COMMD2: variants seen among roughly 807,000 people sequenced by gnomAD.
COMMD2 encodes the protein COMM domain-containing protein 2.
A neutral mutation model predicts 22.5 loss-of-function variants in COMMD2; 25 were observed. That is an observed-to-expected ratio of 1.11 (90% CI 0.81 to 1.55). The LOEUF is 1.55. COMMD2 is among the 40% of genes most tolerant of loss of function. COMMD2 has a pLI of 0.00. For synonymous variants in COMMD2, 98 were observed against 91.2 expected (o/e 1.07, Z -0.42); for missense variants, 223 against 232.9 (o/e 0.96, Z 0.28).
At chr3:149,751,996 T>A (rs994027406) in intron 2 of COMMD2, 1 of 519,264 alleles carries the variant, frequency 1.9e-6, no homozygotes, top group African/African-American at 1.9e-5. Flanking sequence ...CATTTTACCA[T>A]GAGAAAACTG....
In COMMD2 at chr3:149,741,636, G is replaced by A. The variant is rs752087488; in HGVS notation, c.485C>T (p.Thr162Ile). 7 of 1,613,956 alleles carry A rather than the reference G, an allele frequency of 4.3e-6. No individual in the cohort carries two copies. Among genetic ancestry groups the A allele is most frequent in the Non-Finnish European group, 5.9e-6 (7 of 1,179,988 alleles). Residue 162 changes from threonine to isoleucine, a missense_variant, in exon 5 of 5, where the codon ACC (threonine) becomes ATC (isoleucine). By Grantham distance (89) the Thr-to-Ile change is moderately conservative (BLOSUM62 -1). Coordinates refer to ENST00000473414, the MANE Select transcript of COMMD2 (RefSeq NM_016094.4). ...LHLNQNGDHNTKVLQTDPATL... is the reference protein window; with the variant it reads ...LHLNQNGDHNIKVLQTDPATL... ...GGCTGGGTCTGTCTGCAGAACTTTG[G>A]TGTTGTGATCTCCATTTTGATTAAG...
At chr3:149,744,060 A>T (rs1204451676) in intron 4 of COMMD2, among the ~76,000 whole-genome samples, 1 of 152,246 alleles carries the variant, frequency 6.6e-6, no homozygotes, top group African/African-American at 2.4e-5. Context: ...ACAGTACTAC[A>T]GGACAAAGAA....
intron 4 of COMMD2, among the ~76,000 whole-genome samples, chr3:149,749,763 G>A (rs911847435): frequency 5.3e-5 from 8 of 151,916 alleles, no homozygotes; most frequent in Non-Finnish European, 7.4e-5. Flanking sequence ...CTTGGATCAC[G>A]CCAGCACATA....
intron 3 of COMMD2, 109 bp from the exon 4 acceptor site, chr3:149,750,960 G>T: frequency 1.4e-6 from 1 of 710,202 alleles, no homozygotes. Context: ...TCTAGTAAAA[G>T]AAACAGCATT....
Position 149,751,475 on chromosome 3 carries a change from A to G in COMMD2, c.156T>C (p.Asn52=). Residue 52 remains asparagine, a synonymous_variant, in exon 3 of 5, where the codon AAT becomes AAC. Transcript: ENST00000473414. ...KIYEGAARKL[N]VSSDTVQHGV... is the part of the protein sequence containing the mutation. ...CATGCTGGACAGTGTCACTACTCAC[A>G]TTGAGTTTTCCTGAGAAAGAAAAGT... 6.3e-7 allele frequency: 1 copy of G among 1,596,828 alleles called. No homozygotes were observed. Among genetic ancestry groups the G allele is most frequent in the Non-Finnish European group, 8.5e-7 (1 of 1,172,130 alleles).
intron 4 of COMMD2, among the ~76,000 whole-genome samples, chr3:149,745,332 C>T (rs1204492608): frequency 6.6e-6 from 1 of 152,178 alleles, no homozygotes; most frequent in Non-Finnish European, 1.5e-5. Context: ...AGTCACTTAA[C>T]TCCCCCTGCC....
Position 149,750,714 on chromosome 3 carries a change from G to T in COMMD2, c.366C>A (p.Pro122=). ...GTCGCCATTCAAGGTTATGATAACT[G>T]GGAAGGCTTGGTGCCAATTCACTCA... The part of the protein sequence containing the change: ...TILSELAPSL[P]SYHNLEWRLD... Residue 122 remains proline, a synonymous_variant, in exon 4 of 5, where the codon CCC becomes CCA. Coordinates refer to ENST00000473414, the MANE Select transcript of COMMD2 (RefSeq NM_016094.4). The T allele has an allele frequency of 6.3e-7, 1 of 1,593,912 alleles. No homozygotes were observed.
intron 4 of COMMD2, among the ~76,000 whole-genome samples, chr3:149,746,500 G>A (rs528415659): frequency 1.3e-5 from 2 of 152,218 alleles, no homozygotes; most frequent in Admixed American, 6.5e-5. Context: ...GGCCGGGTAC[G>A]GTGGCTTACG....
chr3:149,750,625 A>C lies in COMMD2; in HGVS notation c.402+53T>G. On this transcript the variant is annotated intron_variant, in intron 4 of 4. Coordinates refer to ENST00000473414, the MANE Select transcript of COMMD2 (RefSeq NM_016094.4). ...TAAAGAATACAATAAACAGGACACA[A>C]ACCTAAAATAATTCTTATATTCTAT... 3.0e-6 allele frequency: 4 copies of C among 1,316,838 alleles called. No individual in the cohort carries two copies. The South Asian group carries it at 6.2e-5, about 21-fold the overall frequency. The allele number at this position is 1,316,838 out of a possible 1,614,324, so 81.6% of individuals were successfully genotyped here. A position where few individuals can be genotyped will look rare whatever the true frequency, so the allele number is the denominator to read the frequency against.
In COMMD2 at chr3:149,739,635, G is replaced by A. The variant is rs960894849; in HGVS notation, c.*1886C>T. ...TCAGCCATGTTTACCTTCCATCGAA[G>A]GTGGACAAATAAAAACCCTTACAGA... On this transcript the variant is annotated 3_prime_UTR_variant, in exon 5 of 5. Transcript: ENST00000473414. 1 of 152,184 alleles carries A rather than the reference G, an allele frequency of 6.6e-6. No individual in the cohort carries two copies. The highest frequency in any genetic ancestry group is 2.4e-5 in the African/African-American group (1 of 41,458). 9.4% of individuals were successfully genotyped at this position (152,184 alleles called of 1,614,324 possible).
At chr3:149,747,753 G>A (rs199804732) in intron 4 of COMMD2, among the ~76,000 whole-genome samples, 1 of 151,794 alleles carries the variant, frequency 6.6e-6, no homozygotes, top group Non-Finnish European at 1.5e-5. Context: ...CCTGGCCAAC[G>A]TGGTGAAACC....
chr3:149,741,476 T>C lies in COMMD2; in HGVS notation c.*45A>G, dbSNP rs752543662. 1 of 1,432,648 alleles carries C rather than the reference T, an allele frequency of 7.0e-7. No homozygotes were observed. 88.7% of individuals were successfully genotyped at this position (1,432,648 alleles called of 1,614,324 possible). A position where few individuals can be genotyped will look rare whatever the true frequency, so the allele number is the denominator to read the frequency against. ...TTTGAAAAGTAATTGCTGTATATCA[T>C]CAATTCATAAGTGATTCAAATGAAT... On this transcript the variant is annotated 3_prime_UTR_variant, in exon 5 of 5. Transcript: ENST00000473414.
intron 4 of COMMD2, 22 bp from the exon 5 acceptor site, chr3:149,741,740 A>G (rs1231801965): frequency 1.3e-6 from 2 of 1,560,006 alleles, no homozygotes; most frequent in Non-Finnish European, 8.8e-7. Flanking sequence ...ATGAAATAAG[A>G]GCACAGTAAC....
intron 4 of COMMD2, among the ~76,000 whole-genome samples, chr3:149,750,016 T>C (rs1390216098): frequency 6.6e-6 from 1 of 152,192 alleles, no homozygotes; most frequent in African/African-American, 2.4e-5. Context: ...AATCAGCAAA[T>C]AGATGGCATT....
Position 149,752,365 on chromosome 3 carries a change from C to G in COMMD2, c.67+13G>C. 1 of 1,614,158 alleles carries G rather than the reference C, an allele frequency of 6.2e-7. No homozygotes were observed. Among genetic ancestry groups the G allele is most frequent in the South Asian group, 1.1e-5 (1 of 91,078 alleles). ...TCCCCAGCCCACAGAACACCGCCCCCACGCCCGCTGACCCGCGCTGTCCAC... is the reference window on the plus strand; with the variant it reads ...TCCCCAGCCCACAGAACACCGCCCCGACGCCCGCTGACCCGCGCTGTCCAC... On this transcript the variant is annotated intron_variant, in intron 1 of 4. Coordinates refer to ENST00000473414, the MANE Select transcript of COMMD2 (RefSeq NM_016094.4).
rs1485342024 is a variant in COMMD2, at chr3:149,752,212, G to T, written c.143C>A (p.Ala48Asp). 5.0e-6 allele frequency: 8 copies of T among 1,613,716 alleles called. No individual in the cohort carries two copies. The highest frequency in any genetic ancestry group is 6.8e-6 in the Non-Finnish European group (8 of 1,179,740). Residue 48 changes from alanine to aspartate, a missense_variant and splice_region_variant, in exon 2 of 5, where the codon GCC (alanine) becomes GAC (aspartate). Ala to Asp is a moderately radical substitution (Grantham distance 126). Transcript: ENST00000473414. ...AGCCTTCCCCTTTCCCTTCTTACTG[G>T]CGGCGCCTTCGTAGATTTTTGGGTT... ...GANPKIYEGA[A>D]RKLNVSSDTV...
intron 4 of COMMD2, among the ~76,000 whole-genome samples, chr3:149,746,255 G>C (rs1716361723): frequency 6.6e-6 from 1 of 152,024 alleles, no homozygotes; most frequent in African/African-American, 2.4e-5. Context: ...AAGGGAAGTG[G>C]TCAGACTGTG....
Position 149,741,207 on chromosome 3 carries a change from T to C in COMMD2, c.*314A>G, listed in dbSNP as rs895388888. The C allele has an allele frequency of 1.2e-5, 3 of 250,062 alleles. No individual in the cohort carries two copies. Among genetic ancestry groups the C allele is most frequent in the South Asian group, 5.1e-5 (1 of 19,766 alleles). The allele number at this position is 250,062 out of a possible 1,614,324, so 15.5% of individuals were successfully genotyped here. A position where few individuals can be genotyped will look rare whatever the true frequency, so the allele number is the denominator to read the frequency against. On this transcript the variant is annotated 3_prime_UTR_variant, in exon 5 of 5. Coordinates refer to ENST00000473414, the MANE Select transcript of COMMD2 (RefSeq NM_016094.4). ...GCCTCCTGAGTAGCTGGGACTCTGATAGATGCGTGCCACCACACCTGGCTA... is the reference window on the plus strand; with the variant it reads ...GCCTCCTGAGTAGCTGGGACTCTGACAGATGCGTGCCACCACACCTGGCTA...
At chr3:149,747,948 A>G (rs1049920344) in intron 4 of COMMD2, among the ~76,000 whole-genome samples, 24 of 41,396 alleles carry the variant, frequency 5.8e-4, no homozygotes, top group African/African-American at 1.9e-3. Flanking sequence ...ACTCCATCTC[A>G]AAAAAAAAAA....
Sources: allele counts gnomAD v4.1 joint callset (sites outside exome capture counted in the v4.1 genomes callset), GRCh38; gene constraint gnomAD v4.1.1; transcripts MANE v1.5; gene names NCBI Gene and HGNC (gene_info 2026-07-23, HGNC 2026-07-21).